SCARB1: variants seen among roughly 807,000 people sequenced by gnomAD.
SCARB1 encodes scavenger receptor class B member 1.
A neutral mutation model predicts 57.2 loss-of-function variants in SCARB1; 30 were observed. The observed-to-expected ratio is 0.52, with a 90% CI of 0.39 to 0.71. SCARB1 has a LOEUF of 0.71. Among genes scored for constraint, SCARB1 ranks in the 30% least tolerant of loss-of-function variants. The pLI is 0.00. For synonymous variants in SCARB1, 249 were observed against 268.3 expected, an observed-to-expected ratio of 0.93 and a Z score of 0.70; for missense variants, 543 against 671.2, an observed-to-expected ratio of 0.81 and a Z score of 2.11.
intron 7 of SCARB1, among the ~76,000 whole-genome samples, chr12:124,801,741 A>G (rs1294920753): frequency 6.6e-6 from 1 of 151,844 alleles, no homozygotes; most frequent in African/African-American, 2.4e-5. Context: ...GGGAGCTGAA[A>G]TCGCATCACT....
At chr12:124,792,983 G>C (rs1022996475) in intron 9 of SCARB1, among the ~76,000 whole-genome samples, 2 of 152,032 alleles carry the variant, frequency 1.3e-5, no homozygotes, top group African/African-American at 4.8e-5. Flanking sequence ...CCACGCGGTG[G>C]AACCAGAGGG....
intron 11 of SCARB1, chr12:124,785,931 G>A: frequency 1.2e-6 from 1 of 811,612 alleles, no homozygotes; most frequent in South Asian, 1.9e-5. Context: ...GATTTACTTG[G>A]TTTTCATCTG....
At chr12:124,793,992 A>G (rs1949831748) in intron 9 of SCARB1, among the ~76,000 whole-genome samples, 1 of 152,234 alleles carries the variant, frequency 6.6e-6, no homozygotes, top group Non-Finnish European at 1.5e-5. Context: ...GATCCATGCT[A>G]CGACATGGAT....
intron 1 of SCARB1, among the ~76,000 whole-genome samples, chr12:124,823,118 G>C (rs1413977529): frequency 6.6e-6 from 1 of 152,148 alleles, no homozygotes; most frequent in Non-Finnish European, 1.5e-5. Context: ...CAGAACAGGG[G>C]TCACCTGGGA....
intron 7 of SCARB1, among the ~76,000 whole-genome samples, chr12:124,802,501 C>T (rs530471250): frequency 3.3e-5 from 5 of 152,176 alleles, no homozygotes; most frequent in South Asian, 4.1e-4. Context: ...GAGGCAGCCA[C>T]GGAGCCGAAC....
chr12:124,804,786 C>A (rs1166004886), intron 7 of SCARB1, among the ~76,000 whole-genome samples: 3 of 152,190 alleles, frequency 2.0e-5, no homozygotes, highest in African/African-American at 7.2e-5. Context: ...TTTAGAGTCG[C>A]CATTGCCAGC....
chr12:124,812,418 C>T lies in SCARB1; in HGVS notation c.631-453G>A, dbSNP rs11057820. The stretch of plus-strand genomic sequence containing the variant: ...GGAGGTATGTGTCAAGACAGAGCCT[C>T]CCTCAGCCTGGATCCCCAAGTGACC... On this transcript the variant is annotated intron_variant, in intron 4 of 12. Transcript: ENST00000261693. The surrounding 1 kb of genome is among the most constrained non-coding windows in gnomAD (Gnocchi z 4.3). Among the ~76,000 whole-genome samples the T allele has an allele frequency of 0.36, 55,269 of 152,138 alleles. 11,583 individuals are homozygous for T. The highest frequency in any genetic ancestry group is 0.47 in the Non-Finnish European group (31,928 of 67,966).
chr12:124,799,786 C>G (rs1272150685), intron 8 of SCARB1, among the ~76,000 whole-genome samples: 1 of 152,192 alleles, frequency 6.6e-6, no homozygotes, highest in Non-Finnish European at 1.5e-5. Flanking sequence ...CAAAATACCC[C>G]AGGCTCTTCT....
chr12:124,813,819 G>A (rs1950603018), intron 4 of SCARB1, among the ~76,000 whole-genome samples: 1 of 152,118 alleles, frequency 6.6e-6, no homozygotes. Context: ...CTCCATGGAC[G>A]AGATGTTGGC....
chr12:124,814,358 G>T lies in SCARB1; in HGVS notation c.474C>A (p.Ile158=). 2 of 1,614,136 alleles carry T rather than the reference G, an allele frequency of 1.2e-6. No individual in the cohort carries two copies. The highest frequency in any genetic ancestry group is 1.7e-6 in the Non-Finnish European group (2 of 1,180,036). The change falls in exon 4 of 13, where the codon ATC becomes ATA. Residue 158 remains isoleucine, a synonymous_variant. Transcript: ENST00000261693. The surrounding 1 kb of genome is among the most constrained non-coding windows in gnomAD (Gnocchi z 4.7). ...CGAGGGTGGTGAATGCCAAGGTCAT[G>T]ATGAGCTTCAGGGTCATGGGCTTAT... The part of the protein sequence containing the change: ...MENKPMTLKL[I]MTLAFTTLGE...
At chr12:124,839,348 C>T in intron 1 of SCARB1, 1 of 442,928 alleles carries the variant, frequency 2.3e-6, no homozygotes, top group South Asian at 1.6e-5. Context: ...GCATAACTTC[C>T]TCAAGGCCCG....
At chr12:124,788,982 C>T (rs764549262) in intron 9 of SCARB1, among the ~76,000 whole-genome samples, 6 of 152,120 alleles carry the variant, frequency 3.9e-5, no homozygotes, top group Non-Finnish European at 7.4e-5. Flanking sequence ...ATGGTGGGTA[C>T]GGCTGGGGAT....
intron 1 of SCARB1, among the ~76,000 whole-genome samples, chr12:124,842,239 C>G (rs1391677887): frequency 1.3e-5 from 2 of 152,260 alleles, no homozygotes; most frequent in Non-Finnish European, 2.9e-5. Context: ...CCAGTGCTGC[C>G]TCTGGCCCAG....
intron 7 of SCARB1, among the ~76,000 whole-genome samples, chr12:124,802,519 G>A (rs1235715417): frequency 6.6e-6 from 1 of 152,106 alleles, no homozygotes; most frequent in Non-Finnish European, 1.5e-5. Flanking sequence ...AACTCTGGAG[G>A]AATCTCAAAC....
At chr12:124,831,446 G>A (rs535654585) in intron 1 of SCARB1, among the ~76,000 whole-genome samples, 7 of 152,040 alleles carry the variant, frequency 4.6e-5, no homozygotes, top group Non-Finnish European at 1.0e-4. Context: ...TCCAGGGTTG[G>A]GTACTCTTCA....
chr12:124,782,621 C>A, intron 12 of SCARB1, 62 bp downstream of exon 12: 2 of 1,563,022 alleles, frequency 1.3e-6, no homozygotes, highest in Non-Finnish European at 8.8e-7. Context: ...TGTTTTAAGC[C>A]GCCAGCATTC....
Position 124,822,203 on chromosome 12 carries a change from G to A in SCARB1, c.127-4496C>T, listed in dbSNP as rs530211839. Among the ~76,000 whole-genome samples, 4 of 152,280 alleles carry A rather than the reference G, an allele frequency of 2.6e-5. No homozygotes were observed. Among genetic ancestry groups the A allele is most frequent in the East Asian group, 1.9e-4 (1 of 5,188 alleles). ...CAAAGGCTGGGAAGCCTTTAAGAGC[G>A]TGACTTGCCTGAATGTTCACCAAAA... On this transcript the variant is annotated intron_variant, in intron 1 of 12. Transcript: ENST00000261693. The surrounding 1 kb of genome is among the most constrained non-coding windows in gnomAD (Gnocchi z 5.0).
chr12:124,849,194 CT>C, intron 1 of SCARB1, among the ~76,000 whole-genome samples: 1 of 152,328 alleles, frequency 6.6e-6, no homozygotes, highest in Non-Finnish European at 1.5e-5. Flanking sequence ...CTGCTGGAAG[CT>C]AAAGCCCTGC....
intron 1 of SCARB1, among the ~76,000 whole-genome samples, chr12:124,837,987 T>G (rs1951759179): frequency 6.6e-6 from 1 of 152,192 alleles, no homozygotes; most frequent in South Asian, 2.1e-4. Flanking sequence ...AAATTCACAT[T>G]TTGGTGTTCA....
Sources: allele counts gnomAD v4.1 joint callset (sites outside exome capture counted in the v4.1 genomes callset), GRCh38; gene constraint gnomAD v4.1.1; non-coding constraint Gnocchi (gnomAD v3.1); transcripts MANE v1.5; gene names NCBI Gene and HGNC (gene_info 2026-07-23, HGNC 2026-07-21).